GABRA1: variants seen among roughly 807,000 people sequenced by gnomAD.
GABRA1 encodes the protein gamma-aminobutyric acid type A receptor subunit alpha1, also known as gamma-aminobutyric acid receptor subunit alpha-1.
Under a neutral mutation model 48.9 loss-of-function variants are expected in GABRA1, and 9 were observed. That is an observed-to-expected ratio of 0.18 (90% CI 0.11 to 0.32). The LOEUF (loss-of-function observed/expected upper bound fraction) is 0.32, where lower values mean the gene tolerates loss of function less well. Ranked by LOEUF, GABRA1 falls within the 10% of genes least tolerant of loss-of-function variation. GABRA1 has a pLI of 1.00. For synonymous variants in GABRA1, 210 were observed against 198.7 expected, an observed-to-expected ratio of 1.06 and a Z score of -0.48; for missense variants, 285 against 553.8, an observed-to-expected ratio of 0.51 and a Z score of 4.87.
intron 1 of GABRA1, 144 bp from the exon 2 acceptor site, chr5:161,850,652 C>A: frequency 1.4e-6 from 1 of 692,922 alleles, no homozygotes; most frequent in Non-Finnish European, 2.6e-6. Context: ...TCCAGGTTTC[C>A]ATTGCTTCCA....
At chr5:161,874,888 AAAAC>A (rs1754278284) in intron 5 of GABRA1, among the ~76,000 whole-genome samples, 1 of 152,138 alleles carries the variant, frequency 6.6e-6, no homozygotes, top group East Asian at 1.9e-4. Context: ...AATCCAAAAA[AAAAC>A]AAAACAAAAC....
intron 4 of GABRA1, among the ~76,000 whole-genome samples, chr5:161,867,025 G>A (rs1311384938): frequency 6.6e-6 from 1 of 152,044 alleles, no homozygotes; most frequent in African/African-American, 2.4e-5. Flanking sequence ...TATAAGGTGG[G>A]ATTAATAATG....
At chr5:161,857,292 A>G (rs1426133756) in intron 3 of GABRA1, among the ~76,000 whole-genome samples, 3 of 151,426 alleles carry the variant, frequency 2.0e-5, no homozygotes, top group Non-Finnish European at 4.4e-5. Context: ...TGTCCTCAGG[A>G]AATAGAAAAA....
intron 4 of GABRA1, among the ~76,000 whole-genome samples, chr5:161,869,447 C>T (rs529684544): frequency 6.6e-6 from 1 of 152,246 alleles, no homozygotes; most frequent in South Asian, 2.1e-4. Context: ...AGGCATCTGA[C>T]TTCATCTGGA....
rs1755505039 is a variant in GABRA1, at chr5:161,899,134, G to A, written c.*1712G>A. 1 of 152,540 alleles carries A rather than the reference G, an allele frequency of 6.6e-6. No individual in the cohort carries two copies. The highest frequency in any genetic ancestry group is 2.1e-4 in the South Asian group (1 of 4,836). 9.4% of individuals were successfully genotyped at this position (152,540 alleles called of 1,614,324 possible). On this transcript the variant is annotated 3_prime_UTR_variant, in exon 10 of 10. Transcript: ENST00000393943. ...GTCTAAACACACTTAGAATACTACA[G>A]CATAAATCTGTTAGCATTATTGCCA...
chr5:161,849,176 GT>G (rs1260988517), intron 1 of GABRA1: 2 of 252,902 alleles, frequency 7.9e-6, no homozygotes, highest in African/African-American at 2.4e-5. Flanking sequence ...TGATAGGTTT[GT>G]TTTTCTCTTT....
In GABRA1 at chr5:161,850,801, C is replaced by G. The variant is rs376699435; in HGVS notation, c.-10C>G. On this transcript the variant is annotated 5_prime_UTR_variant, in exon 2 of 10. Coordinates refer to ENST00000393943, the MANE Select transcript of GABRA1 (RefSeq NM_001127644.2). ...CTACTTATTCTACTTTTCAGCTGCT[C>G]CAGCCCGCGATGAGGAAAAGTCCAG... The G allele has an allele frequency of 1.3e-5, 21 of 1,613,960 alleles. No homozygotes were observed. Among genetic ancestry groups the G allele is most frequent in the East Asian group, 8.9e-5 (4 of 44,868 alleles).
intron 4 of GABRA1, among the ~76,000 whole-genome samples, chr5:161,871,209 A>G (rs1754106162): frequency 6.6e-6 from 1 of 152,138 alleles, no homozygotes; most frequent in Admixed American, 6.6e-5. Flanking sequence ...TTTATACTTA[A>G]CATTTATTTT....
chr5:161,893,944 A>T (rs1755241135), intron 8 of GABRA1, among the ~76,000 whole-genome samples: 1 of 152,156 alleles, frequency 6.6e-6, no homozygotes, highest in Non-Finnish European at 1.5e-5. Flanking sequence ...TTGTATCTTC[A>T]TGTTAATCTT....
At chr5:161,894,345 C>A (rs1755263678) in intron 8 of GABRA1, among the ~76,000 whole-genome samples, 1 of 152,098 alleles carries the variant, frequency 6.6e-6, no homozygotes, top group Non-Finnish European at 1.5e-5. Context: ...CTAATATTTG[C>A]TCAAGTTAAT....
intron 7 of GABRA1, among the ~76,000 whole-genome samples, chr5:161,885,849 T>C (rs981760925): frequency 2.0e-5 from 3 of 152,162 alleles, no homozygotes; most frequent in African/African-American, 7.2e-5. Context: ...ATGTCTTTAT[T>C]ATTCATTCAT....
chr5:161,879,139 C>T (rs144752624), intron 6 of GABRA1, among the ~76,000 whole-genome samples: 2 of 152,282 alleles, frequency 1.3e-5, no homozygotes, highest in East Asian at 3.9e-4. Flanking sequence ...GACAGGGTCT[C>T]TCTCTGTTGC....
chr5:161,877,746 G>A (rs1405396561), intron 6 of GABRA1, among the ~76,000 whole-genome samples: 1 of 152,170 alleles, frequency 6.6e-6, no homozygotes, highest in Non-Finnish European at 1.5e-5. Context: ...TGTATAGTGA[G>A]TAGAAAACAG....
intron 2 of GABRA1, among the ~76,000 whole-genome samples, chr5:161,851,879 C>CT (rs1757459346): frequency 6.6e-6 from 1 of 152,054 alleles, no homozygotes; most frequent in African/African-American, 2.4e-5. Flanking sequence ...TGAAGTGTTA[C>CT]TATTGCAATG....
At chr5:161,865,078 A>G (rs1219414635) in intron 3 of GABRA1, among the ~76,000 whole-genome samples, 1 of 152,070 alleles carries the variant, frequency 6.6e-6, no homozygotes, top group Non-Finnish European at 1.5e-5. Context: ...TGTATGTGCC[A>G]TCAGAGAACA....
rs760920254 is a variant in GABRA1, at chr5:161,897,311, C to T, written c.1260C>T (p.Asp420=). The stretch of plus-strand genomic sequence containing the variant: ...CCTTTAACAGTGTCAGCAAAATTGA[C>T]CGACTGTCAAGAATAGCCTTCCCGC... ...KKTFNSVSKI[D]RLSRIAFPLL... is the part of the protein sequence containing the mutation. The change falls in exon 10 of 10, where the codon GAC becomes GAT. Residue 420 remains aspartate, a synonymous_variant. Transcript: ENST00000393943. 5.0e-6 allele frequency: 8 copies of T among 1,614,100 alleles called. No homozygotes were observed. Among genetic ancestry groups the T allele is most frequent in the Non-Finnish European group, 5.9e-6 (7 of 1,179,996 alleles).
Position 161,898,061 on chromosome 5 carries a change from A to G in GABRA1, c.*639A>G, listed in dbSNP as rs187108662. On this transcript the variant is annotated 3_prime_UTR_variant, in exon 10 of 10. Transcript: ENST00000393943. Reference sequence around the variant, plus strand: ...TAAAATTCATGGAACTTTCATACGTAAAGGTGCAGTTGCTCATTGTAGAGC... The same window carrying G: ...TAAAATTCATGGAACTTTCATACGTGAAGGTGCAGTTGCTCATTGTAGAGC... 3.0e-4 allele frequency: 46 copies of G among 152,236 alleles called. No individual in the cohort carries two copies. Among genetic ancestry groups the G allele is most frequent in the African/African-American group, 1.0e-3 (42 of 41,536 alleles). The allele number at this position is 152,236 out of a possible 1,614,324, so 9.4% of individuals were successfully genotyped here. A position where few individuals can be genotyped will look rare whatever the true frequency, so the allele number is the denominator to read the frequency against.
intron 7 of GABRA1, among the ~76,000 whole-genome samples, chr5:161,883,504 A>G (rs1472998222): frequency 2.0e-5 from 3 of 152,200 alleles, no homozygotes; most frequent in Non-Finnish European, 4.4e-5. Context: ...AGACCAGATA[A>G]TTATAAATAA....
intron 8 of GABRA1, among the ~76,000 whole-genome samples, chr5:161,894,922 A>T (rs1384255489): frequency 6.7e-6 from 1 of 149,854 alleles, no homozygotes; most frequent in African/African-American, 2.5e-5. Flanking sequence ...AAGAAAAAAG[A>T]TTCTAACATT....
Sources: allele counts gnomAD v4.1 joint callset (sites outside exome capture counted in the v4.1 genomes callset), GRCh38; gene constraint gnomAD v4.1.1; transcripts MANE v1.5; gene names NCBI Gene and HGNC (gene_info 2026-07-23, HGNC 2026-07-21).